RASGRP3: variants seen among roughly 807,000 people sequenced by gnomAD.
The protein encoded by RASGRP3 is RAS guanyl releasing protein 3, also known as ras guanyl-releasing protein 3.
In RASGRP3, 54 loss-of-function variants were observed where a neutral mutation model predicts 82.7. That is an observed-to-expected ratio of 0.65 (90% CI 0.52 to 0.82). The LOEUF (loss-of-function observed/expected upper bound fraction) is 0.82, where lower values mean the gene tolerates loss of function less well. Ranked by LOEUF, RASGRP3 falls within the 40% of genes least tolerant of loss-of-function variation. RASGRP3 has a pLI of 0.00. For synonymous variants in RASGRP3, 309 were observed against 300.5 expected, an observed-to-expected ratio of 1.03 and a Z score of -0.29; for missense variants, 861 against 828.9, an observed-to-expected ratio of 1.04 and a Z score of -0.48.
intron 1 of RASGRP3, among the ~76,000 whole-genome samples, chr2:33,486,793 TC>T (rs1365521999): frequency 6.6e-6 from 1 of 152,106 alleles, no homozygotes; most frequent in Non-Finnish European, 1.5e-5. Flanking sequence ...AACAGTGCAT[TC>T]CAGGACTAAT....
At chr2:33,481,557 G>GT (rs1345774459) in intron 1 of RASGRP3, 1 of 152,158 alleles carries the variant, frequency 6.6e-6, no homozygotes, top group East Asian at 1.9e-4. Context: ...AAAAAGTTGT[G>GT]TAATTTGTAT....
Position 33,527,347 on chromosome 2 carries a change from C to G in RASGRP3, c.1018C>G (p.Leu340Val). 6.2e-7 allele frequency: 1 copy of G among 1,613,880 alleles called. No homozygotes were observed. Reference sequence around the variant, plus strand: ...CCAGCTCTCCGTTACCCTGAGTGAACTAGTCTCCCTGCAGAATGCCTCTCA... The same window carrying G: ...CCAGCTCTCCGTTACCCTGAGTGAAGTAGTCTCCCTGCAGAATGCCTCTCA... ...MHQLSVTLSE[L>V]VSLQNASHHL... Residue 340 changes from leucine to valine, a missense_variant, in exon 10 of 18, where the codon CTA (leucine) becomes GTA (valine). Transcript: ENST00000403687.
chr2:33,551,859 G>T (rs868219179), intron 14 of RASGRP3, among the ~76,000 whole-genome samples: 11 of 152,178 alleles, frequency 7.2e-5, no homozygotes, highest in African/African-American at 2.4e-4. Flanking sequence ...AGGGTGTGGT[G>T]GTGGGCGCCT....
chr2:33,508,128 G>A (rs950199583), intron 1 of RASGRP3, among the ~76,000 whole-genome samples: 2 of 152,162 alleles, frequency 1.3e-5, no homozygotes, highest in Non-Finnish European at 2.9e-5. Context: ...CCATTCCCCT[G>A]CGATTGAGAA....
At chr2:33,530,368 T>G (rs1372025643) in intron 10 of RASGRP3, among the ~76,000 whole-genome samples, 1 of 152,184 alleles carries the variant, frequency 6.6e-6, no homozygotes, top group African/African-American at 2.4e-5. Flanking sequence ...GGCAGTGCTT[T>G]AACTTTCTGT....
Position 33,564,643 on chromosome 2 carries a change from C to T in RASGRP3, c.*1906C>T, listed in dbSNP as rs749509060. 1 of 152,024 alleles carries T rather than the reference C, an allele frequency of 6.6e-6. No individual in the cohort carries two copies. The highest frequency in any genetic ancestry group is 1.5e-5 in the Non-Finnish European group (1 of 68,000). 9.4% of individuals were successfully genotyped at this position (152,024 alleles called of 1,614,324 possible). On this transcript the variant is annotated 3_prime_UTR_variant, in exon 18 of 18. Transcript: ENST00000403687. ...GCCACTTTGGTTATTTTTGAGTTTT[C>T]GTACATAGGAAGTTTTATATTGCCA...
chr2:33,477,308 C>T lies in RASGRP3; in HGVS notation c.-261+601C>T, dbSNP rs114172021. On this transcript the variant is annotated intron_variant, in intron 1 of 17. Transcript: ENST00000403687. ...ATATTTAGATTTCTTGCATGGTTTCCAACTAATTGAAAGCTGTATTTTATA... is the reference window on the plus strand; with the variant it reads ...ATATTTAGATTTCTTGCATGGTTTCTAACTAATTGAAAGCTGTATTTTATA... Among the ~76,000 whole-genome samples, 1,013 of 152,180 alleles carry T rather than the reference C, an allele frequency of 6.7e-3. 20 individuals carry two copies. Among genetic ancestry groups the T allele is most frequent in the African/African-American group, 0.023 (975 of 41,532 alleles).
At chr2:33,493,504 CT>C (rs1470807191) in intron 1 of RASGRP3, among the ~76,000 whole-genome samples, 12 of 152,138 alleles carry the variant, frequency 7.9e-5, no homozygotes, top group African/African-American at 2.4e-4. Flanking sequence ...CCAGCAAAAT[CT>C]GTGGGATTCA....
chr2:33,544,475 G>A (rs927719458), intron 13 of RASGRP3, among the ~76,000 whole-genome samples: 7 of 151,222 alleles, frequency 4.6e-5, no homozygotes, highest in African/African-American at 1.2e-4. Context: ...AAATTAAATC[G>A]CTTTAGATAC....
At chr2:33,505,953 C>G (rs768656688) in intron 1 of RASGRP3, among the ~76,000 whole-genome samples, 1 of 152,160 alleles carries the variant, frequency 6.6e-6, no homozygotes, top group African/African-American at 2.4e-5. Flanking sequence ...ATTCTCATTT[C>G]TTGTTCAACT....
rs146641921 is a variant in RASGRP3, at chr2:33,551,925, G to A, written c.1542+2174G>A. On this transcript the variant is annotated intron_variant, in intron 14 of 17. Coordinates refer to ENST00000403687, the MANE Select transcript of RASGRP3 (RefSeq NM_001139488.2). ...GGAGAATGGCGTGAACCCGGGAGGC[G>A]GAGCTTGCAGCGAGCCAAGATGGCA... Among the ~76,000 whole-genome samples the A allele has an allele frequency of 2.5e-3, 381 of 152,110 alleles. 1 individual carries two copies. The highest frequency in any genetic ancestry group is 6.8e-3 in the African/African-American group (282 of 41,500).
chr2:33,546,534 C>T (rs1257821958), intron 13 of RASGRP3, among the ~76,000 whole-genome samples: 1 of 151,940 alleles, frequency 6.6e-6, no homozygotes, highest in Non-Finnish European at 1.5e-5. Flanking sequence ...TTGTGGAAAG[C>T]AGTATGGCGA....
At chr2:33,447,105 C>CAAAAA (rs1161927671) in intron 1 of RASGRP3, among the ~76,000 whole-genome samples, 74 of 59,286 alleles carry the variant, frequency 1.2e-3, no homozygotes, top group African/African-American at 3.3e-3. Flanking sequence ...GACTCCGTCT[C>CAAAAA]AAAAAAAAAA....
intron 1 of RASGRP3, among the ~76,000 whole-genome samples, chr2:33,489,023 G>T (rs1347324977): frequency 6.6e-6 from 1 of 152,042 alleles, no homozygotes; most frequent in Non-Finnish European, 1.5e-5. Context: ...TCAACTGAGA[G>T]TGATTTTGCC....
intron 2 of RASGRP3, among the ~76,000 whole-genome samples, chr2:33,464,551 C>A (rs1002330499): frequency 2.0e-5 from 3 of 151,776 alleles, no homozygotes; most frequent in Non-Finnish European, 4.4e-5. Flanking sequence ...CAGCTCACTG[C>A]AGCCTTGACT....
chr2:33,490,202 A>T (rs1210385081), intron 1 of RASGRP3, among the ~76,000 whole-genome samples: 1 of 151,998 alleles, frequency 6.6e-6, no homozygotes, highest in Non-Finnish European at 1.5e-5. Flanking sequence ...TGTTCTCCTC[A>T]TCAGTGCATC....
Position 33,520,662 on chromosome 2 carries a change from A to T in RASGRP3, c.346A>T (p.Ser116Cys). Residue 116 changes from serine to cysteine, a missense_variant, in exon 6 of 18, where the codon AGC becomes TGC. Physicochemically the swap from Ser to Cys is moderately radical, Grantham distance 112 (BLOSUM62 -1). Coordinates refer to ENST00000403687, the MANE Select transcript of RASGRP3 (RefSeq NM_001139488.2). ...TCAACTAGGATATGAAAAACACGTC[A>T]GCCTCATCGACATATCCAGCATGTA... is the stretch of plus-strand genomic sequence containing the variant. ...ASQLGYEKHV[S>C]LIDISSIPSY... 6.2e-7 allele frequency: 1 copy of T among 1,614,016 alleles called. No homozygotes were observed. The highest frequency in any genetic ancestry group is 8.5e-7 in the Non-Finnish European group (1 of 1,179,864).
At chr2:33,474,280 TA>T (rs1305954090), upstream of RASGRP3, among the ~76,000 whole-genome samples, 1 of 152,166 alleles carries the variant, frequency 6.6e-6, no homozygotes, top group Non-Finnish European at 1.5e-5. Context: ...GATTTCTCAT[TA>T]ATGGTTTGGT....
At chr2:33,556,636 T>G (rs1386005661) in intron 15 of RASGRP3, among the ~76,000 whole-genome samples, 1 of 152,210 alleles carries the variant, frequency 6.6e-6, no homozygotes, top group Non-Finnish European at 1.5e-5. Context: ...AGATGAATGT[T>G]GTTCCCCAGG....
Sources: gnomAD v4.1 joint callset for allele counts (sites outside exome capture counted in the v4.1 genomes callset) on GRCh38, gnomAD v4.1.1 for gene constraint, MANE v1.5 for transcripts, NCBI Gene and HGNC (gene_info 2026-07-23, HGNC 2026-07-21) for gene names.